KCNH8: variants seen among roughly 807,000 people sequenced by gnomAD.
KCNH8 encodes the protein potassium voltage-gated channel subfamily H member 8.
In KCNH8, 70 loss-of-function variants were observed where a neutral mutation model predicts 103.6. The ratio of observed to expected loss-of-function variants is 0.68; its 90% CI spans 0.56 to 0.82. The LOEUF (loss-of-function observed/expected upper bound fraction) is 0.82. Ranked by LOEUF, KCNH8 falls within the 40% of genes least tolerant of loss-of-function variation. The pLI, the probability that KCNH8 is intolerant of heterozygous loss-of-function variation, is 0.00. For synonymous variants in KCNH8, 498 were observed against 489.4 expected, an observed-to-expected ratio of 1.02 and a Z score of -0.23; for missense variants, 1,217 against 1,329.9, an observed-to-expected ratio of 0.92 and a Z score of 1.32.
At chr3:19,447,173 C>T (rs1335693667) in intron 8 of KCNH8, among the ~76,000 whole-genome samples, 1 of 151,992 alleles carries the variant, frequency 6.6e-6, no homozygotes. Context: ...CTGACAGTTA[C>T]ACACACTCTT....
At chr3:19,304,988 A>C (rs149477680) in intron 3 of KCNH8, among the ~76,000 whole-genome samples, 1,712 of 152,218 alleles carry the variant, frequency 0.011, 27 homozygotes, top group African/African-American at 0.038. Flanking sequence ...CTGATTGGAA[A>C]GGAGTAGTCC....
chr3:19,242,308 CACTA>C (rs894491608), intron 1 of KCNH8, among the ~76,000 whole-genome samples: 5 of 152,112 alleles, frequency 3.3e-5, no homozygotes. Context: ...CCATTGACAT[CACTA>C]ACTAATGAAA....
chr3:19,314,601 C>CA (rs746887001), intron 3 of KCNH8, among the ~76,000 whole-genome samples: 1 of 151,766 alleles, frequency 6.6e-6, no homozygotes. Flanking sequence ...AAACAACAAA[C>CA]AAAAAACCCC....
intron 1 of KCNH8, among the ~76,000 whole-genome samples, chr3:19,213,604 G>C (rs568588689): frequency 6.6e-6 from 1 of 152,144 alleles, no homozygotes; most frequent in South Asian, 2.1e-4. Context: ...CCAAAAACCA[G>C]TAGTCATCTT....
At chr3:19,451,825 C>T (rs1460676080) in intron 10 of KCNH8, among the ~76,000 whole-genome samples, 1 of 152,028 alleles carries the variant, frequency 6.6e-6, no homozygotes, top group Non-Finnish European at 1.5e-5. Flanking sequence ...TGTACCTGTA[C>T]TAGAAATAGA....
intron 5 of KCNH8, among the ~76,000 whole-genome samples, chr3:19,362,901 C>G (rs1428462090): frequency 6.6e-6 from 1 of 152,126 alleles, no homozygotes; most frequent in East Asian, 1.9e-4. Flanking sequence ...ATCCTCCCCC[C>G]TTAGCCTCCC....
chr3:19,353,827 A>G (rs2065840265), intron 5 of KCNH8, among the ~76,000 whole-genome samples: 1 of 152,154 alleles, frequency 6.6e-6, no homozygotes, highest in African/African-American at 2.4e-5. Context: ...CTAGCACAAG[A>G]CAAGGATGCC....
chr3:19,398,355 A>G (rs868079597), intron 7 of KCNH8, among the ~76,000 whole-genome samples: 1 of 151,978 alleles, frequency 6.6e-6, no homozygotes, highest in Non-Finnish European at 1.5e-5. Flanking sequence ...CTTCTCAGAG[A>G]TGACCTGAGT....
At chr3:19,445,062 A>T (rs1236951280) in intron 8 of KCNH8, among the ~76,000 whole-genome samples, 1 of 151,950 alleles carries the variant, frequency 6.6e-6, no homozygotes, top group African/African-American at 2.4e-5. Flanking sequence ...TAAGAATCTC[A>T]AACTGGGAAT....
At chr3:19,530,650 G>A (rs180986138) in intron 15 of KCNH8, among the ~76,000 whole-genome samples, 20 of 152,204 alleles carry the variant, frequency 1.3e-4, no homozygotes, top group Non-Finnish European at 2.2e-4. Flanking sequence ...TAGAGATGAC[G>A]CTATTTACTT....
chr3:19,346,159 A>G (rs1409169642), intron 4 of KCNH8, among the ~76,000 whole-genome samples: 1 of 152,070 alleles, frequency 6.6e-6, no homozygotes, highest in Admixed American at 6.6e-5. Flanking sequence ...ATTAGAACCA[A>G]TCATGTTATT....
intron 1 of KCNH8, among the ~76,000 whole-genome samples, chr3:19,165,876 A>T (rs1156662740): frequency 6.6e-6 from 1 of 152,178 alleles, no homozygotes; most frequent in East Asian, 1.9e-4. Context: ...AGGAAGCTCA[A>T]CTAGGGCATT....
intron 8 of KCNH8, among the ~76,000 whole-genome samples, chr3:19,441,727 G>A (rs1050644435): frequency 1.3e-5 from 2 of 152,126 alleles, no homozygotes; most frequent in Non-Finnish European, 2.9e-5. Context: ...TCCCCTCAAA[G>A]CCTGTTTTAG....
At chr3:19,356,093 G>A (rs567629513) in intron 5 of KCNH8, among the ~76,000 whole-genome samples, 4 of 151,798 alleles carry the variant, frequency 2.6e-5, no homozygotes, top group Admixed American at 2.0e-4. Flanking sequence ...AAATATTTTG[G>A]TATTCACGTA....
At chr3:19,402,840 G>T (rs1257210575) in intron 7 of KCNH8, among the ~76,000 whole-genome samples, 2 of 151,868 alleles carry the variant, frequency 1.3e-5, no homozygotes, top group Admixed American at 1.3e-4. Flanking sequence ...AGTTATGCTT[G>T]TTCCGTACTT....
chr3:19,312,370 T>C (rs2065218710), intron 3 of KCNH8, among the ~76,000 whole-genome samples: 1 of 151,930 alleles, frequency 6.6e-6, no homozygotes. Flanking sequence ...TGAAATAGTA[T>C]ACTATAGTGA....
At chr3:19,371,150 G>T (rs1404883051) in intron 5 of KCNH8, among the ~76,000 whole-genome samples, 1 of 143,198 alleles carries the variant, frequency 7.0e-6, no homozygotes, top group Admixed American at 7.1e-5. Flanking sequence ...GGGTCAAATG[G>T]TATTTCTAGT....
chr3:19,424,869 T>A (rs58183288), intron 7 of KCNH8, among the ~76,000 whole-genome samples: 11,697 of 152,210 alleles, frequency 0.077, 926 homozygotes, highest in East Asian at 0.2. Context: ...TCTAAAATTT[T>A]AAATGTGCAT....
At chr3:19,510,439 A>C in intron 12 of KCNH8, 38 bp downstream of exon 12, 1 of 1,246,584 alleles carries the variant, frequency 8.0e-7, no homozygotes, top group Non-Finnish European at 1.2e-6. Flanking sequence ...TTTATCTAAA[A>C]TCTGGAGGAT....
Sources: allele counts gnomAD v4.1 joint callset (sites outside exome capture counted in the v4.1 genomes callset), GRCh38; gene constraint gnomAD v4.1.1; transcripts MANE v1.5; gene names NCBI Gene and HGNC (gene_info 2026-07-23, HGNC 2026-07-21).